The following LRRC43 variants were observed in gnomAD, a reference collection of about 807,000 sequenced individuals.
LRRC43 encodes the protein leucine rich repeat containing 43.
Under a neutral mutation model 64.3 loss-of-function variants are expected in LRRC43, and 62 were observed. The observed-to-expected ratio is 0.96, with a 90% CI of 0.79 to 1.19. The LOEUF is 1.19. Ranked by LOEUF, LRRC43 falls within the 50% of genes most tolerant of loss-of-function variation. The pLI is 0.00. For missense variants in LRRC43, 868 were observed against 845.0 expected, an observed-to-expected ratio of 1.03 and a Z score of -0.34; for synonymous variants, 422 against 382.3, an observed-to-expected ratio of 1.10 and a Z score of -1.21.
At chr12:122,196,669 C>T (rs1017311413) in intron 7 of LRRC43, among the ~76,000 whole-genome samples, 1 of 151,608 alleles carries the variant, frequency 6.6e-6, no homozygotes, top group Non-Finnish European at 1.5e-5. Flanking sequence ...CTCAGGAGGC[C>T]GAGGCAGAAG....
chr12:122,183,421 G>A, intron 1 of LRRC43, 127 bp downstream of exon 1: 2 of 1,108,296 alleles, frequency 1.8e-6, no homozygotes, highest in Non-Finnish European at 2.4e-6. Context: ...CCGACATGGG[G>A]GCGGGTGGGG....
At chr12:122,169,633 G>A (rs972929185) in intron 1 of LRRC43, among the ~76,000 whole-genome samples, 5 of 149,416 alleles carry the variant, frequency 3.3e-5, no homozygotes, top group South Asian at 2.1e-4. Flanking sequence ...GTGGAATGGC[G>A]TGAACCCGGG....
At chr12:122,189,525 C>T (rs1344441527) in intron 4 of LRRC43, 4 of 456,360 alleles carry the variant, frequency 8.8e-6, no homozygotes, top group Admixed American at 4.7e-5. Context: ...GCAGGAAAGT[C>T]ACCCTGCCCC....
chr12:122,190,052 C>A, intron 4 of LRRC43, 78 bp from the exon 5 acceptor site: 1 of 1,163,508 alleles, frequency 8.6e-7, no homozygotes, highest in Non-Finnish European at 1.3e-6. Context: ...CCAGGCTCCC[C>A]GTCCGTTTTG....
chr12:122,200,659 A>G lies in LRRC43; in HGVS notation c.1619A>G (p.Lys540Arg), dbSNP rs1243743300. The change falls in exon 9 of 12, where the codon AAG (lysine) becomes AGG (arginine). Residue 540 changes from lysine (K) to arginine (R), a missense_variant and splice_region_variant. Physicochemically the swap from Lys to Arg is conservative, Grantham distance 26. Transcript: ENST00000339777. The surrounding 1 kb of genome is among the most constrained non-coding windows in gnomAD (Gnocchi z 4.6). The part of the protein sequence containing the change: ...RTGKGEKEPA[K>R]EWKVLKKKKE... ...GGGAAAGGAGAGAAAGAGCCGGCCA[A>G]GGTACCGGGCCTTGGTGCTGGGGAG... 1.9e-6 allele frequency: 3 copies of G among 1,613,966 alleles called. No homozygotes were observed. The East Asian group carries it at 6.7e-5, about 36-fold the overall frequency.
chr12:122,181,654 G>T (rs1187730197), upstream of LRRC43, among the ~76,000 whole-genome samples: 1 of 143,994 alleles, frequency 6.9e-6, no homozygotes, highest in Non-Finnish European at 1.5e-5. Flanking sequence ...TGCCCAGGCT[G>T]GAGTGCAGTG....
intron 1 of LRRC43, among the ~76,000 whole-genome samples, chr12:122,168,441 C>CAA (rs557937624): frequency 2.5e-5 from 3 of 120,904 alleles, no homozygotes; most frequent in Admixed American, 8.6e-5. Context: ...AACTCTGTCT[C>CAA]AAAAAAAAAA....
chr12:122,199,657 C>T (rs1408253815), intron 7 of LRRC43, among the ~76,000 whole-genome samples: 1 of 151,766 alleles, frequency 6.6e-6, no homozygotes, highest in Admixed American at 6.6e-5. Flanking sequence ...GAACATGGCT[C>T]ACTGCAGCCT....
rs11358088 is a variant in LRRC43, at chr12:122,198,982, A to ATT, written c.1350-1192_1350-1191dup. Reference sequence around the variant, plus strand: ...TATTATTGTCATATGTACTTTCACGATTTTTTTTTTTTTTTTGAGACAGAG... The same window carrying ATT: ...TATTATTGTCATATGTACTTTCACGATTTTTTTTTTTTTTTTTTGAGACAGAG... On this transcript the variant is annotated intron_variant, in intron 7 of 11. Coordinates refer to ENST00000339777, the MANE Select transcript of LRRC43 (RefSeq NM_001098519.2). Among the ~76,000 whole-genome samples the ATT allele has an allele frequency of 3.5e-3, 428 of 123,612 alleles. 4 individuals are homozygous for ATT. Among genetic ancestry groups the ATT allele is most frequent in the African/African-American group, 0.012 (408 of 33,122 alleles). The allele number at this position is 123,612 out of a possible 152,430, so 81.1% of individuals were successfully genotyped here. A position where few individuals can be genotyped will look rare whatever the true frequency, so the allele number is the denominator to read the frequency against.
chr12:122,174,076 C>A, intron 1 of LRRC43: 5 of 1,613,824 alleles, frequency 3.1e-6, no homozygotes, highest in Non-Finnish European at 4.2e-6. Context: ...GCTGAGCCAA[C>A]CCTGGGGGTA....
intron 7 of LRRC43, among the ~76,000 whole-genome samples, chr12:122,195,434 T>C (rs1593152729): frequency 6.6e-6 from 1 of 151,822 alleles, no homozygotes; most frequent in Non-Finnish European, 1.5e-5. Flanking sequence ...TGAGGCGGGG[T>C]TTCACAGTGT....
At chr12:122,169,543 G>C (rs1340518188) in intron 1 of LRRC43, among the ~76,000 whole-genome samples, 1 of 151,638 alleles carries the variant, frequency 6.6e-6, no homozygotes, top group Non-Finnish European at 1.5e-5. Context: ...GTGAAACCCC[G>C]TCTCTACTAA....
At position 122,187,467 on chromosome 12, in the gene LRRC43, C is replaced by G. The variant is rs565270953; in HGVS notation, c.523-234C>G. On this transcript the variant is annotated intron_variant, in intron 3 of 11. Coordinates refer to ENST00000339777, the MANE Select transcript of LRRC43 (RefSeq NM_001098519.2). ...TCCCCCACTGCCAATCCAGCATCAC[C>G]CCCCATTCCAGATGTTGAAGTGTCT... is the stretch of plus-strand genomic sequence containing the variant. The G allele has an allele frequency of 6.1e-5, 29 of 473,856 alleles. 1 individual carries two copies. In the South Asian group the frequency reaches 6.1e-4, roughly 10 times the overall value. The allele number at this position is 473,856 out of a possible 1,614,324, so 29.4% of individuals were successfully genotyped here.
intron 1 of LRRC43, among the ~76,000 whole-genome samples, chr12:122,168,686 T>A (rs2136014846): frequency 6.6e-6 from 1 of 152,294 alleles, no homozygotes; most frequent in South Asian, 2.1e-4. Flanking sequence ...ATTTGTTAAG[T>A]AACTGTGCAC....
chr12:122,187,266 T>G (rs1953655600), intron 3 of LRRC43: 1 of 152,460 alleles, frequency 6.6e-6, no homozygotes, highest in Non-Finnish European at 1.5e-5. Context: ...TAAATAAAAA[T>G]TAAAAAAACC....
intron 1 of LRRC43, among the ~76,000 whole-genome samples, chr12:122,171,247 A>T (rs1953482882): frequency 6.6e-6 from 1 of 152,204 alleles, no homozygotes. Context: ...TCAGGCTGGA[A>T]ACTGGGCTCC....
chr12:122,184,515 G>T lies in LRRC43; in HGVS notation c.151-4G>T. On this transcript the variant is annotated splice_region_variant and splice_polypyrimidine_tract_variant and intron_variant, in intron 1 of 11. Coordinates refer to ENST00000339777, the MANE Select transcript of LRRC43 (RefSeq NM_001098519.2). The surrounding 1 kb of genome is among the most constrained non-coding windows in gnomAD (Gnocchi z 4.0). ...TACAGAAAATCCCTCCTCTGCCACTGCAGAATAAGTCGCGCTTTCTTCCTC... is the reference window on the plus strand; with the variant it reads ...TACAGAAAATCCCTCCTCTGCCACTTCAGAATAAGTCGCGCTTTCTTCCTC... 9 of 1,612,592 alleles carry T rather than the reference G, an allele frequency of 5.6e-6. No homozygotes were observed. The highest frequency in any genetic ancestry group is 7.6e-6 in the Non-Finnish European group (9 of 1,179,260).
Position 122,200,418 on chromosome 12 carries a change from C to T in LRRC43, c.1491+88C>T. 2 of 1,606,024 alleles carry T rather than the reference C, an allele frequency of 1.2e-6. No individual in the cohort carries two copies. The highest frequency in any genetic ancestry group is 1.7e-6 in the Non-Finnish European group (2 of 1,174,322). On this transcript the variant is annotated intron_variant, in intron 8 of 11. Transcript: ENST00000339777. This position sits in a 1 kb window ranked among gnomAD's most constrained non-coding sequence, Gnocchi z 4.6. ...CCATCGGGCTGTCCCCCATGGGAGC[C>T]GCACTCCCTGGTTAGATGAGTTCTC... is the stretch of plus-strand genomic sequence containing the variant.
chr12:122,171,493 C>T (rs564645144), intron 1 of LRRC43, among the ~76,000 whole-genome samples: 68 of 152,274 alleles, frequency 4.5e-4, no homozygotes, highest in African/African-American at 1.5e-3. Context: ...TCCCAAGTAG[C>T]ACACCACCAT....
Sources: gnomAD v4.1 joint callset for allele counts (sites outside exome capture counted in the v4.1 genomes callset) on GRCh38, gnomAD v4.1.1 for gene constraint, Gnocchi (gnomAD v3.1) non-coding constraint, MANE v1.5 for transcripts, NCBI Gene and HGNC (gene_info 2026-07-23, HGNC 2026-07-21) for gene names.